AMZ1: variants seen among roughly 807,000 people sequenced by gnomAD.
AMZ1 encodes archaemetzincin-1.
In AMZ1, 39 loss-of-function variants were observed where a neutral mutation model predicts 29.9. That is an observed-to-expected ratio of 1.30 (90% CI 1.01 to 1.70). The LOEUF (loss-of-function observed/expected upper bound fraction) is 1.70. AMZ1 is among the 40% of genes most tolerant of loss of function. The pLI is 0.00. For synonymous variants in AMZ1, 458 were observed against 304.0 expected (o/e 1.51, Z -5.27); for missense variants, 1,041 against 680.6 (o/e 1.53, Z -5.89).
At chr7:2,737,450 G>A (rs946777933) in intron 4 of AMZ1, among the ~76,000 whole-genome samples, 6 of 151,734 alleles carry the variant, frequency 4.0e-5, no homozygotes, top group African/African-American at 7.3e-5. Context: ...TACCACACCC[G>A]GCTAACTTTT....
chr7:2,706,229 G>A (rs1028011703), intron 3 of AMZ1, among the ~76,000 whole-genome samples: 4 of 152,192 alleles, frequency 2.6e-5, no homozygotes, highest in African/African-American at 7.2e-5. Flanking sequence ...AGGCTCAAGC[G>A]CAGTGGTGCG....
At chr7:2,748,060 A>C (rs1790853525) in intron 4 of AMZ1, among the ~76,000 whole-genome samples, 1 of 150,696 alleles carries the variant, frequency 6.6e-6, no homozygotes, top group Non-Finnish European at 1.5e-5. Context: ...GGAAGAATCG[A>C]TATCATGAAA....
intron 4 of AMZ1, among the ~76,000 whole-genome samples, chr7:2,753,910 G>C (rs1325005959): frequency 6.6e-6 from 1 of 152,106 alleles, no homozygotes; most frequent in Non-Finnish European, 1.5e-5. Context: ...GTGGCAGGGA[G>C]AGCTCATGTA....
chr7:2,757,581 C>T (rs372886188), intron 4 of AMZ1, among the ~76,000 whole-genome samples: 6 of 152,196 alleles, frequency 3.9e-5, no homozygotes, highest in East Asian at 1.9e-4. Flanking sequence ...TGCGAGGTTC[C>T]GAGCAGAGCA....
At chr7:2,740,060 T>C (rs958345739) in intron 4 of AMZ1, among the ~76,000 whole-genome samples, 25 of 152,322 alleles carry the variant, frequency 1.6e-4, no homozygotes, top group Admixed American at 7.8e-4. Context: ...CCATGGGCCA[T>C]GTACAAAGTT....
intron 1 of AMZ1, among the ~76,000 whole-genome samples, chr7:2,698,957 G>A (rs1014122182): frequency 6.6e-6 from 1 of 152,124 alleles, no homozygotes; most frequent in Non-Finnish European, 1.5e-5. Context: ...GCAGACAAGT[G>A]GGTTTTGCGT....
chr7:2,689,245 A>G (rs1238298499), intron 1 of AMZ1, among the ~76,000 whole-genome samples: 2 of 152,236 alleles, frequency 1.3e-5, no homozygotes, highest in African/African-American at 4.8e-5. Flanking sequence ...AAGGCCAGGC[A>G]TCTGCGTGGT....
chr7:2,692,262 C>A (rs773569617), intron 1 of AMZ1, among the ~76,000 whole-genome samples: 1 of 152,146 alleles, frequency 6.6e-6, no homozygotes, highest in African/African-American at 2.4e-5. Flanking sequence ...CGAGCTTGGC[C>A]GGGCGTGGTG....
intron 4 of AMZ1, among the ~76,000 whole-genome samples, chr7:2,732,449 G>C (rs1006789455): frequency 2.0e-5 from 3 of 152,204 alleles, no homozygotes; most frequent in Admixed American, 6.5e-5. Flanking sequence ...GGGAGGCCGA[G>C]ACAGGAGGAT....
At chr7:2,752,352 C>A (rs1329876179) in intron 4 of AMZ1, among the ~76,000 whole-genome samples, 1 of 152,194 alleles carries the variant, frequency 6.6e-6, no homozygotes, top group African/African-American at 2.4e-5. Flanking sequence ...TGGTGGACCA[C>A]TGAGTACTTT....
intron 1 of AMZ1, among the ~76,000 whole-genome samples, chr7:2,690,628 C>A (rs980732886): frequency 6.6e-6 from 1 of 152,066 alleles, no homozygotes; most frequent in Non-Finnish European, 1.5e-5. Context: ...CTTGAGTTAC[C>A]CACGTGCCCG....
Position 2,749,324 on chromosome 7 carries a change from T to C in AMZ1, n.551-15388T>C, listed in dbSNP as rs187932286. 2.6e-5 allele frequency among the ~76,000 whole-genome samples: 4 copies of C among 152,308 alleles called. No individual in the cohort carries two copies. In the East Asian group the frequency reaches 5.8e-4, roughly 22 times the overall value. On this transcript the variant is annotated intron_variant and non_coding_transcript_variant, in intron 4 of 4. Coordinates refer to the AMZ1 transcript ENST00000489665. Reference sequence around the variant, plus strand: ...GCCACATATACACCATGGAATACTATGGAGCCATAAAAAATGATGAGTTCT... The same window carrying C: ...GCCACATATACACCATGGAATACTACGGAGCCATAAAAAATGATGAGTTCT...
chr7:2,725,469 C>T (rs1196480338), intron 4 of AMZ1, among the ~76,000 whole-genome samples: 1 of 152,214 alleles, frequency 6.6e-6, no homozygotes, highest in Non-Finnish European at 1.5e-5. Flanking sequence ...CAATATGGCG[C>T]CCTGAACACC....
intron 4 of AMZ1, among the ~76,000 whole-genome samples, chr7:2,748,498 C>T (rs1392998558): frequency 6.6e-6 from 1 of 152,064 alleles, no homozygotes; most frequent in Non-Finnish European, 1.5e-5. Context: ...ACACCTTACA[C>T]AAAAATTAAT....
In AMZ1 at chr7:2,731,378, A is replaced by G; in HGVS notation, n.550+21562A>G. Reference sequence around the variant, plus strand: ...TCCAGCCTGTGCGGGTCGCCCCTGAAGTCCGGGAAGTGCTTCTTGATGCTC... The same window carrying G: ...TCCAGCCTGTGCGGGTCGCCCCTGAGGTCCGGGAAGTGCTTCTTGATGCTC... On this transcript the variant is annotated intron_variant and non_coding_transcript_variant, in intron 4 of 4. Coordinates refer to the AMZ1 transcript ENST00000489665. This position sits in a 1 kb window ranked among gnomAD's most constrained non-coding sequence, Gnocchi z 6.0. 1.2e-6 allele frequency: 2 copies of G among 1,613,386 alleles called. No individual in the cohort carries two copies. The highest frequency in any genetic ancestry group is 1.7e-6 in the Non-Finnish European group (2 of 1,179,568).
chr7:2,734,043 G>C (rs1562392030), intron 4 of AMZ1, among the ~76,000 whole-genome samples: 1 of 152,228 alleles, frequency 6.6e-6, no homozygotes, highest in Non-Finnish European at 1.5e-5. Flanking sequence ...ATTTATAGTA[G>C]CAAACACAGG....
chr7:2,712,015 C>T (rs1347661936), intron 6 of AMZ1, among the ~76,000 whole-genome samples: 1 of 151,948 alleles, frequency 6.6e-6, no homozygotes, highest in African/African-American at 2.4e-5. Flanking sequence ...GCACTGCACT[C>T]CAGCCTGGCC....
chr7:2,724,780 G>A (rs954549998), intron 4 of AMZ1, among the ~76,000 whole-genome samples: 2 of 152,170 alleles, frequency 1.3e-5, no homozygotes, highest in Non-Finnish European at 1.5e-5. Context: ...TTTCCAACAC[G>A]ACTTCCAGCA....
intron 4 of AMZ1, among the ~76,000 whole-genome samples, chr7:2,753,417 TGTGA>T (rs1261145940): frequency 7.0e-6 from 1 of 142,636 alleles, no homozygotes; most frequent in Middle Eastern, 3.3e-3. Flanking sequence ...GGATTACAGG[TGTGA>T]GCCCCTGCAC....
Sources: allele counts gnomAD v4.1 joint callset (sites outside exome capture counted in the v4.1 genomes callset), GRCh38; gene constraint gnomAD v4.1.1; non-coding constraint Gnocchi (gnomAD v3.1); transcripts MANE v1.5; gene names NCBI Gene and HGNC (gene_info 2026-07-23, HGNC 2026-07-21).